Variants in CD8B observed in about 807,000 individuals in gnomAD.
CD8B encodes the protein T-cell surface glycoprotein CD8 beta chain.
A neutral mutation model predicts 24.2 loss-of-function variants in CD8B; 6 were observed. The observed-to-expected ratio is 0.25, with a 90% CI of 0.14 to 0.49. CD8B has a LOEUF of 0.49. CD8B is among the 20% of genes least tolerant of loss of function. The pLI is 0.98. For synonymous variants in CD8B, 84 were observed against 108.3 expected (o/e 0.78, Z 1.39); for missense variants, 196 against 271.3 (o/e 0.72, Z 1.95).
Position 86,858,161 on chromosome 2 carries a change from A to C in CD8B, c.299T>G (p.Ile100Ser). Residue 100 changes from isoleucine to serine, a missense_variant, in exon 2 of 6, where the codon ATT becomes AGT. Ile to Ser is a moderately radical substitution (Grantham distance 142, BLOSUM62 -2). Coordinates refer to ENST00000390655, the MANE Select transcript of CD8B (RefSeq NM_004931.5). ...CGGCTTCACGCTTGTGAGATTGAGA[A>C]TGAACCGGCTTGCATCCCGAAACAC... is the stretch of plus-strand genomic sequence containing the variant. The part of the protein sequence containing the change: ...IAVFRDASRF[I>S]LNLTSVKPED... 6.2e-7 allele frequency: 1 copy of C among 1,613,974 alleles called. No individual in the cohort carries two copies. The highest frequency in any genetic ancestry group is 8.5e-7 in the Non-Finnish European group (1 of 1,179,858).
intron 5 of CD8B, among the ~76,000 whole-genome samples, chr2:86,817,117 A>G (rs1297408323): frequency 1.3e-5 from 2 of 152,372 alleles, no homozygotes; most frequent in East Asian, 1.9e-4. Context: ...ATATCATTTT[A>G]TATTCAAATT....
chr2:86,832,632 C>G (rs937632799), intron 5 of CD8B, among the ~76,000 whole-genome samples: 8 of 151,920 alleles, frequency 5.3e-5, no homozygotes, highest in African/African-American at 1.9e-4. Context: ...TTTTCCTGCC[C>G]CCACCCTCCC....
At chr2:86,817,499 T>C (rs569063465) in intron 5 of CD8B, among the ~76,000 whole-genome samples, 5 of 152,294 alleles carry the variant, frequency 3.3e-5, no homozygotes, top group African/African-American at 1.2e-4. Flanking sequence ...CAAAAATATG[T>C]TGAATGAAAT....
intron 3 of CD8B, among the ~76,000 whole-genome samples, chr2:86,851,423 T>C (rs1326258557): frequency 6.6e-6 from 1 of 152,194 alleles, no homozygotes; most frequent in Admixed American, 6.5e-5. Flanking sequence ...TTGCCTTTTA[T>C]ATCCTTTTTA....
At chr2:86,843,098 CT>C (rs899717548) in intron 5 of CD8B, among the ~76,000 whole-genome samples, 35 of 147,328 alleles carry the variant, frequency 2.4e-4, no homozygotes, top group South Asian at 8.6e-4. Context: ...AAGGAACTTT[CT>C]TTTTTTTTTT....
chr2:86,821,400 C>T (rs1416522949), intron 5 of CD8B, among the ~76,000 whole-genome samples: 1 of 152,178 alleles, frequency 6.6e-6, no homozygotes, highest in African/African-American at 2.4e-5. Flanking sequence ...GGAAAAAGAA[C>T]GCACAACTCC....
chr2:86,822,235 GAA>G (rs373630399), intron 5 of CD8B: 1,198 of 571,842 alleles, frequency 2.1e-3, no homozygotes, highest in South Asian at 4.0e-3. Context: ...ACCCCAGCAG[GAA>G]AAAAAAAAAA....
chr2:86,848,387 C>T (rs1168704713), intron 3 of CD8B, among the ~76,000 whole-genome samples: 1 of 152,192 alleles, frequency 6.6e-6, no homozygotes, highest in Admixed American at 6.5e-5. Flanking sequence ...TATGATTTTT[C>T]TTCTACGAGT....
intron 5 of CD8B, among the ~76,000 whole-genome samples, chr2:86,825,404 G>A (rs980390400): frequency 6.6e-6 from 1 of 152,158 alleles, no homozygotes; most frequent in East Asian, 1.9e-4. Flanking sequence ...GACTTCCTTG[G>A]GAAAGAGTCC....
At chr2:86,825,783 G>T (rs1294959939) in intron 5 of CD8B, among the ~76,000 whole-genome samples, 1 of 152,208 alleles carries the variant, frequency 6.6e-6, no homozygotes. Context: ...AGGGGGGCAT[G>T]GGAGCCCCTC....
At chr2:86,821,784 C>T in intron 5 of CD8B, 1 of 413,754 alleles carries the variant, frequency 2.4e-6, no homozygotes, top group South Asian at 1.7e-5. Context: ...GGGAAAGCCC[C>T]CACAAACCCC....
chr2:86,850,333 G>A (rs551393453), intron 3 of CD8B, among the ~76,000 whole-genome samples: 69 of 152,130 alleles, frequency 4.5e-4, no homozygotes, highest in African/African-American at 1.5e-3. Flanking sequence ...TTTAGAAATG[G>A]TCCCCCAGCA....
chr2:86,857,212 C>T (rs1489179141), intron 2 of CD8B, among the ~76,000 whole-genome samples: 1 of 152,108 alleles, frequency 6.6e-6, no homozygotes, highest in African/African-American at 2.4e-5. Flanking sequence ...GGTATGAATT[C>T]GAGCTGTAGG....
At chr2:86,825,623 T>A (rs56153774) in intron 5 of CD8B, among the ~76,000 whole-genome samples, 4 of 151,998 alleles carry the variant, frequency 2.6e-5, no homozygotes, top group Non-Finnish European at 4.4e-5. Context: ...GTCCCAGAGC[T>A]CCAGCCAGCT....
chr2:86,836,917 A>T (rs1675200947), downstream of CD8B, among the ~76,000 whole-genome samples: 1 of 152,164 alleles, frequency 6.6e-6, no homozygotes, highest in Admixed American at 6.5e-5. Context: ...GGACTTTGGG[A>T]GGCCGAGATG....
chr2:86,825,663 A>G (rs188658866), intron 5 of CD8B, among the ~76,000 whole-genome samples: 78 of 152,286 alleles, frequency 5.1e-4, no homozygotes, highest in African/African-American at 1.9e-3. Context: ...ACTGCACTAG[A>G]CACCTCTCCG....
At chr2:86,859,993 G>T (rs1281391530) in intron 1 of CD8B, among the ~76,000 whole-genome samples, 1 of 152,122 alleles carries the variant, frequency 6.6e-6, no homozygotes, top group African/African-American at 2.4e-5. Context: ...GATGGGGCCG[G>T]GTGTGGTGGC....
At chr2:86,816,428 A>G (rs1674247404) in intron 5 of CD8B, among the ~76,000 whole-genome samples, 1 of 152,254 alleles carries the variant, frequency 6.6e-6, no homozygotes, top group Non-Finnish European at 1.5e-5. Context: ...CAAGCTGATT[A>G]TCAAATTCAT....
chr2:86,832,943 C>G (rs373979710), intron 5 of CD8B: 3 of 113,112 alleles, frequency 2.7e-5, no homozygotes, highest in Non-Finnish European at 3.7e-5. Flanking sequence ...TCCTCTCCTC[C>G]CCTCTCCTCC....
Sources: gnomAD v4.1 joint callset for allele counts (sites outside exome capture counted in the v4.1 genomes callset) on GRCh38, gnomAD v4.1.1 for gene constraint, MANE v1.5 for transcripts, NCBI Gene and HGNC (gene_info 2026-07-23, HGNC 2026-07-21) for gene names.